Variants in PDE10A observed in about 807,000 individuals in gnomAD.
PDE10A encodes the protein cAMP and cAMP-inhibited cGMP 3',5'-cyclic phosphodiesterase 10A.
In PDE10A, 39 loss-of-function variants were observed where a neutral mutation model predicts 97.7. The observed-to-expected ratio is 0.40, with a 90% CI of 0.31 to 0.52. PDE10A has a LOEUF of 0.52. PDE10A is among the 20% of genes least tolerant of loss of function. The pLI, the probability that PDE10A is intolerant of heterozygous loss-of-function variation, is 0.56. For missense variants in PDE10A, 731 were observed against 1,047.8 expected, an observed-to-expected ratio of 0.70 and a Z score of 4.17; for synonymous variants, 371 against 376.8, an observed-to-expected ratio of 0.98 and a Z score of 0.18.
chr6:165,541,423 T>G (rs918317122), intron 2 of PDE10A, among the ~76,000 whole-genome samples: 1 of 152,220 alleles, frequency 6.6e-6, no homozygotes, highest in African/African-American at 2.4e-5. Context: ...AATAAAGTAT[T>G]ATTTGATTAA....
chr6:165,508,267 T>C (rs1338939388), intron 2 of PDE10A, among the ~76,000 whole-genome samples: 4 of 152,080 alleles, frequency 2.6e-5, no homozygotes, highest in Non-Finnish European at 4.4e-5. Flanking sequence ...TCTGTCACTG[T>C]ATATTACATT....
At position 165,404,412 on chromosome 6, in the gene PDE10A, C is replaced by A. The variant is rs1399865313; in HGVS notation, c.2077-7953G>T. ...AAAGAAGCCTTGTCTCTACTTGGGGCTATGGGTAGAAAATAAATAGTCTCC... is the reference window on the plus strand; with the variant it reads ...AAAGAAGCCTTGTCTCTACTTGGGGATATGGGTAGAAAATAAATAGTCTCC... On this transcript the variant is annotated intron_variant, in intron 13 of 21. Transcript: ENST00000539869. Among the ~76,000 whole-genome samples the A allele has an allele frequency of 4.6e-5, 7 of 151,974 alleles. No homozygotes were observed. In the South Asian group the frequency reaches 1.5e-3, roughly 32 times the overall value.
chr6:165,767,966 A>T (rs550769016), intron 1 of PDE10A, among the ~76,000 whole-genome samples: 3 of 152,184 alleles, frequency 2.0e-5, no homozygotes, highest in African/African-American at 7.2e-5. Context: ...TGTTTTTTTT[A>T]AAAACCATCC....
chr6:165,729,361 T>G (rs1441951595), intron 1 of PDE10A, among the ~76,000 whole-genome samples: 1 of 152,226 alleles, frequency 6.6e-6, no homozygotes, highest in East Asian at 1.9e-4. Context: ...TAAACATTTT[T>G]TGAATAAAAA....
chr6:165,579,422 T>C (rs1887710), intron 1 of PDE10A, among the ~76,000 whole-genome samples: 77,073 of 152,016 alleles, frequency 0.51, 23,502 homozygotes, highest in Non-Finnish European at 0.67. Flanking sequence ...TGCACAAGAT[T>C]AGGGAGAATG....
At chr6:165,816,219 G>A (rs914522912) in intron 1 of PDE10A, among the ~76,000 whole-genome samples, 13 of 152,318 alleles carry the variant, frequency 8.5e-5, no homozygotes, top group Non-Finnish European at 1.6e-4. Context: ...AAAGTGCTGG[G>A]ATTACAGGCG....
chr6:165,453,924 G>C (rs947083872), intron 3 of PDE10A, among the ~76,000 whole-genome samples: 1 of 150,900 alleles, frequency 6.6e-6, no homozygotes, highest in African/African-American at 2.5e-5. Flanking sequence ...ACACCAACCT[G>C]TGAGAGCTGA....
intron 1 of PDE10A, among the ~76,000 whole-genome samples, chr6:165,903,618 C>T (rs1031661322): frequency 6.6e-6 from 1 of 152,130 alleles, no homozygotes; most frequent in Non-Finnish European, 1.5e-5. Context: ...TGTTGTATAA[C>T]AGGCCGCTAC....
intron 2 of PDE10A, among the ~76,000 whole-genome samples, chr6:165,541,336 G>A (rs1378312814): frequency 6.6e-6 from 1 of 152,120 alleles, no homozygotes; most frequent in Non-Finnish European, 1.5e-5. Flanking sequence ...GTTAAGTGAG[G>A]AGGAGAATAA....
intron 1 of PDE10A, among the ~76,000 whole-genome samples, chr6:165,946,105 C>T (rs1022984470): frequency 7.9e-5 from 12 of 152,284 alleles, no homozygotes; most frequent in African/African-American, 2.9e-4. Flanking sequence ...TGTCATACAG[C>T]TTTTCCCTTA....
intron 2 of PDE10A, among the ~76,000 whole-genome samples, chr6:165,502,319 T>C (rs1416761851): frequency 6.6e-6 from 1 of 152,048 alleles, no homozygotes; most frequent in African/African-American, 2.4e-5. Context: ...GTTAAGAAAA[T>C]AAAAGCCACA....
At chr6:165,390,794 G>A (rs1402288765) in intron 16 of PDE10A, among the ~76,000 whole-genome samples, 1 of 152,174 alleles carries the variant, frequency 6.6e-6, no homozygotes, top group African/African-American at 2.4e-5. Flanking sequence ...TCCTGATAAT[G>A]CTGAACTGGT....
At chr6:165,719,726 T>C (rs1792119215) in intron 1 of PDE10A, among the ~76,000 whole-genome samples, 1 of 152,220 alleles carries the variant, frequency 6.6e-6, no homozygotes, top group Non-Finnish European at 1.5e-5. Context: ...GGAATACGGT[T>C]GGAAACTCTA....
intron 20 of PDE10A, among the ~76,000 whole-genome samples, chr6:165,337,582 T>C (rs1171595302): frequency 6.6e-6 from 1 of 152,226 alleles, no homozygotes; most frequent in Non-Finnish European, 1.5e-5. Context: ...TATTAGAAAT[T>C]AGAGTATTTC....
chr6:165,497,410 T>C (rs747484560), intron 2 of PDE10A, among the ~76,000 whole-genome samples: 3 of 152,158 alleles, frequency 2.0e-5, no homozygotes, highest in Non-Finnish European at 2.9e-5. Context: ...TAAAGTGCCT[T>C]CCTTATATTT....
chr6:165,729,947 A>G (rs1251074012), intron 1 of PDE10A, among the ~76,000 whole-genome samples: 1 of 152,230 alleles, frequency 6.6e-6, no homozygotes, highest in Non-Finnish European at 1.5e-5. Context: ...TGCAACGGAA[A>G]GACTTCCATA....
rs1385798481 is a variant in PDE10A at position 165,332,090 on chromosome 6, G to C, written c.*935C>G. ...AAAATAAACTTTTCATTGTGAATGA[G>C]AGTCTAAAATTCTGCAATGACACAA... On this transcript the variant is annotated 3_prime_UTR_variant, in exon 22 of 22. Transcript: ENST00000539869. The C allele has an allele frequency of 1.3e-5, 2 of 152,138 alleles. No individual in the cohort carries two copies. Among genetic ancestry groups the C allele is most frequent in the Non-Finnish European group, 2.9e-5 (2 of 68,020 alleles). The allele number at this position is 152,138 out of a possible 1,614,324, so 9.4% of individuals were successfully genotyped here.
intron 1 of PDE10A, among the ~76,000 whole-genome samples, chr6:165,822,269 A>C (rs890358619): frequency 4.7e-5 from 7 of 150,296 alleles, no homozygotes; most frequent in African/African-American, 1.7e-4. Context: ...GGCACAGTCC[A>C]CCACACACCT....
intron 1 of PDE10A, among the ~76,000 whole-genome samples, chr6:165,956,381 T>C (rs1453420159): frequency 6.6e-6 from 1 of 152,250 alleles, no homozygotes; most frequent in East Asian, 1.9e-4. Flanking sequence ...TGACTTGATT[T>C]TTGTGGTTTC....
Sources: gnomAD v4.1 joint callset for allele counts (sites outside exome capture counted in the v4.1 genomes callset) on GRCh38, gnomAD v4.1.1 for gene constraint, MANE v1.5 for transcripts, NCBI Gene and HGNC (gene_info 2026-07-23, HGNC 2026-07-21) for gene names.